RAB15: variants seen among roughly 807,000 people sequenced by gnomAD.
RAB15 encodes the protein ras-related protein Rab-15.
In RAB15, 13 loss-of-function variants were observed where a neutral mutation model predicts 31.8. The ratio of observed to expected loss-of-function variants is 0.41; its 90% CI spans 0.27 to 0.65. The LOEUF (loss-of-function observed/expected upper bound fraction) is 0.65. RAB15 is among the 30% of genes least tolerant of loss of function. The pLI is 0.32. For missense variants in RAB15, 220 were observed against 277.3 expected, an observed-to-expected ratio of 0.79 and a Z score of 1.47; for synonymous variants, 100 against 105.6, an observed-to-expected ratio of 0.95 and a Z score of 0.33.
At position 64,951,758 on chromosome 14, in the gene RAB15, G is replaced by A. The variant is rs956203702; in HGVS notation, c.186-95C>T. 2.7e-5 allele frequency: 29 copies of A among 1,070,172 alleles called. No homozygotes were observed. Among genetic ancestry groups the A allele is most frequent in the Non-Finnish European group, 4.1e-5 (28 of 688,218 alleles). 66.3% of individuals were successfully genotyped at this position (1,070,172 alleles called of 1,614,324 possible). A position where few individuals can be genotyped will look rare whatever the true frequency, so the allele number is the denominator to read the frequency against. ...CTGTCCCCTTGTAGGAAAAACTGGGGAGCTAAAGGGTGAAAAACCAGGGAT... is the reference window on the plus strand; with the variant it reads ...CTGTCCCCTTGTAGGAAAAACTGGGAAGCTAAAGGGTGAAAAACCAGGGAT... On this transcript the variant is annotated intron_variant, in intron 2 of 6. Coordinates refer to ENST00000533601, the MANE Select transcript of RAB15 (RefSeq NM_001308154.2). The surrounding 1 kb of genome is among the most constrained non-coding windows in gnomAD (Gnocchi z 7.2).
intron 1 of RAB15, among the ~76,000 whole-genome samples, chr14:64,969,233 A>G (rs1366556955): frequency 2.0e-5 from 3 of 152,216 alleles, no homozygotes; most frequent in Non-Finnish European, 2.9e-5. Flanking sequence ...AGAGCCTGGC[A>G]TACAGGACAC....
Position 64,948,338 on chromosome 14 carries a change from G to T in RAB15, c.*16C>A. On this transcript the variant is annotated 3_prime_UTR_variant, in exon 7 of 7. Coordinates refer to ENST00000533601, the MANE Select transcript of RAB15 (RefSeq NM_001308154.2). The surrounding 1 kb of genome is among the most constrained non-coding windows in gnomAD (Gnocchi z 7.0). ...TGAGGGAAGAGGGGTGTCGTGTGGG[G>T]TGCCCCACACAGGACTCAGCACCAG... 13 of 1,507,986 alleles carry T rather than the reference G, an allele frequency of 8.6e-6. No individual in the cohort carries two copies. The highest frequency in any genetic ancestry group is 1.3e-5 in the South Asian group (1 of 76,394). The allele number at this position is 1,507,986 out of a possible 1,614,324, so 93.4% of individuals were successfully genotyped here. A position where few individuals can be genotyped will look rare whatever the true frequency, so the allele number is the denominator to read the frequency against.
rs762799909 is a variant in RAB15, at chr14:64,972,031, C to T, written c.46G>A (p.Asp16Asn). The stretch of plus-strand genomic sequence containing the variant: ...AGGCAGGTCTTGCCCACCCCGGAGT[C>T]CCCGATCAGCAGCAGCCGGAACAGC... ...DVLFRLLLIGDSGVGKTCLLC... is the reference protein window; with the variant it reads ...DVLFRLLLIGNSGVGKTCLLC... Residue 16 changes from aspartate to asparagine, a missense_variant, in exon 1 of 7, where the codon GAC (aspartate) becomes AAC (asparagine). Physicochemically the swap from Asp to Asn is conservative, Grantham distance 23. Coordinates refer to ENST00000533601, the MANE Select transcript of RAB15 (RefSeq NM_001308154.2). This position sits in a 1 kb window ranked among gnomAD's most constrained non-coding sequence, Gnocchi z 6.3. The T allele has an allele frequency of 9.9e-6, 16 of 1,610,412 alleles. No individual in the cohort carries two copies. In the Admixed American group the frequency reaches 1.7e-4, roughly 17 times the overall value.
chr14:64,965,178 C>T (rs909234231), intron 1 of RAB15, among the ~76,000 whole-genome samples: 2 of 151,944 alleles, frequency 1.3e-5, no homozygotes, highest in Non-Finnish European at 2.9e-5. Context: ...ATGGGGTCGG[C>T]CAGCCATGGT....
Position 64,950,755 on chromosome 14 carries a change from A to G in RAB15, c.324+319T>C, listed in dbSNP as rs1281496206. On this transcript the variant is annotated intron_variant, in intron 4 of 6. Coordinates refer to ENST00000533601, the MANE Select transcript of RAB15 (RefSeq NM_001308154.2). The surrounding 1 kb of genome is among the most constrained non-coding windows in gnomAD (Gnocchi z 5.6). ...AATGGCTTCCCAAGGCTCCACAGCT[A>G]TTGTGCAGAGCCAGGACTAGATCCC... The G allele has an allele frequency of 1.7e-6, 1 of 602,128 alleles. No individual in the cohort carries two copies. The highest frequency in any genetic ancestry group is 1.9e-5 in the African/African-American group (1 of 53,842). The allele number at this position is 602,128 out of a possible 1,614,324, so 37.3% of individuals were successfully genotyped here.
rs1887355707 is a variant in RAB15, at chr14:64,970,359, C to T, written c.124+1594G>A. ...TCCTGCACCTGCCTCTTCCCCAAGT[C>T]CTCCCGGCAGGCACAAAGCCTTAGT... On this transcript the variant is annotated intron_variant, in intron 1 of 6. Coordinates refer to ENST00000533601, the MANE Select transcript of RAB15 (RefSeq NM_001308154.2). This position sits in a 1 kb window ranked among gnomAD's most constrained non-coding sequence, Gnocchi z 4.1. Among the ~76,000 whole-genome samples the T allele has an allele frequency of 6.6e-6, 1 of 152,246 alleles. No homozygotes were observed. Among genetic ancestry groups the T allele is most frequent in the African/African-American group, 2.4e-5 (1 of 41,460 alleles).
Position 64,971,970 on chromosome 14 carries a change from G to T in RAB15, c.107C>A (p.Ser36Ter), listed in dbSNP as rs1488274678. The change falls in exon 1 of 7, where the codon TCG (serine) becomes TAG (stop). Residue 36 changes from serine (S) to a stop codon, truncating the protein, a stop_gained. Coordinates refer to ENST00000533601, the MANE Select transcript of RAB15 (RefSeq NM_001308154.2). LOFTEE classifies it high-confidence loss of function. This position sits in a 1 kb window ranked among gnomAD's most constrained non-coding sequence, Gnocchi z 4.1. ...CRFTDNEFHSSHISTIGVDFK... is the reference protein window; with the variant it reads ...CRFTDNEFHS The stretch of plus-strand genomic sequence containing the variant: ...CCCCTTACCGATGGTGGAGATGTGC[G>T]AGGAGTGGAACTCGTTGTCGGTGAA... The T allele has an allele frequency of 6.3e-7, 1 of 1,589,386 alleles. No homozygotes were observed. Among genetic ancestry groups the T allele is most frequent in the Non-Finnish European group, 8.6e-7 (1 of 1,168,432 alleles).
chr14:64,957,570 G>A (rs963540414), intron 1 of RAB15, among the ~76,000 whole-genome samples: 1 of 152,090 alleles, frequency 6.6e-6, no homozygotes, highest in Non-Finnish European at 1.5e-5. Context: ...CCACACCCAG[G>A]TGCATAGTGC....
intron 1 of RAB15, among the ~76,000 whole-genome samples, chr14:64,967,547 C>T (rs1887199980): frequency 6.6e-6 from 1 of 151,692 alleles, no homozygotes; most frequent in Non-Finnish European, 1.5e-5. Flanking sequence ...TGTGCCACCA[C>T]CACACTCCAG....
intron 1 of RAB15, among the ~76,000 whole-genome samples, chr14:64,961,294 AAG>A: frequency 6.6e-6 from 1 of 152,258 alleles, no homozygotes; most frequent in Middle Eastern, 3.4e-3. Context: ...GTCACCTCTA[AAG>A]AGGTCACCCT....
rs1886442799 is a variant in RAB15 at position 64,954,655 on chromosome 14, A to T, written c.125-2084T>A. ...CAGAGAGCCTAGTGGAAAGGAAACA[A>T]GGGCTCAGAGAGGTCAATGGCTAGC... is the stretch of plus-strand genomic sequence containing the variant. On this transcript the variant is annotated intron_variant, in intron 1 of 6. Coordinates refer to ENST00000533601, the MANE Select transcript of RAB15 (RefSeq NM_001308154.2). This position sits in a 1 kb window ranked among gnomAD's most constrained non-coding sequence, Gnocchi z 4.3. 2.3e-6 allele frequency: 1 copy of T among 443,148 alleles called. No homozygotes were observed. 27.5% of individuals were successfully genotyped at this position (443,148 alleles called of 1,614,324 possible). A position where few individuals can be genotyped will look rare whatever the true frequency, so the allele number is the denominator to read the frequency against.
chr14:64,958,867 G>A lies in RAB15; in HGVS notation c.125-6296C>T, dbSNP rs1468874239. Reference sequence around the variant, plus strand: ...GCACATTAGATATGCCCATCATGGTGCCTGCCACACCCTGTGTCCCTTTCT... The same window carrying A: ...GCACATTAGATATGCCCATCATGGTACCTGCCACACCCTGTGTCCCTTTCT... On this transcript the variant is annotated intron_variant, in intron 1 of 6. Transcript: ENST00000533601. This position sits in a 1 kb window ranked among gnomAD's most constrained non-coding sequence, Gnocchi z 4.4. Among the ~76,000 whole-genome samples, 2 of 152,180 alleles carry A rather than the reference G, an allele frequency of 1.3e-5. No individual in the cohort carries two copies. Among genetic ancestry groups the A allele is most frequent in the East Asian group, 3.9e-4 (2 of 5,192 alleles).
chr14:64,970,489 A>T lies in RAB15; in HGVS notation c.124+1464T>A, dbSNP rs1042141647. 2.0e-5 allele frequency among the ~76,000 whole-genome samples: 3 copies of T among 152,206 alleles called. No individual in the cohort carries two copies. Among genetic ancestry groups the T allele is most frequent in the African/African-American group, 7.2e-5 (3 of 41,438 alleles). On this transcript the variant is annotated intron_variant, in intron 1 of 6. Coordinates refer to ENST00000533601, the MANE Select transcript of RAB15 (RefSeq NM_001308154.2). The surrounding 1 kb of genome is among the most constrained non-coding windows in gnomAD (Gnocchi z 4.1). ...TGGCCTTACAGCTCCTCTGAGAAAG[A>T]CGGACAAGTTCTGTTCCCTGACCCT...
rs772363420 is a variant in RAB15 at position 64,968,184 on chromosome 14, CAG to C, written c.124+3767_124+3768del. On this transcript the variant is annotated intron_variant, in intron 1 of 6. Coordinates refer to ENST00000533601, the MANE Select transcript of RAB15 (RefSeq NM_001308154.2). This position sits in a 1 kb window ranked among gnomAD's most constrained non-coding sequence, Gnocchi z 4.9. ...ATCAAGGCACTTATAATTTGGGAGA[CAG>C]AGAGAGAAACAGAAGAATCTTCTCA... Among the ~76,000 whole-genome samples, 3 of 152,200 alleles carry C rather than the reference CAG, an allele frequency of 2.0e-5. No homozygotes were observed. The highest frequency in any genetic ancestry group is 4.1e-4 in the South Asian group (2 of 4,830).
chr14:64,965,200 G>A (rs1887066718), intron 1 of RAB15, among the ~76,000 whole-genome samples: 1 of 152,048 alleles, frequency 6.6e-6, no homozygotes, highest in South Asian at 2.1e-4. Flanking sequence ...GCTCACTCCT[G>A]TAATCCCAGC....
At chr14:64,959,848 CAAA>C (rs34981340) in intron 1 of RAB15, among the ~76,000 whole-genome samples, 19 of 42,058 alleles carry the variant, frequency 4.5e-4, no homozygotes, top group African/African-American at 1.2e-3. Flanking sequence ...GACCCTGTCT[CAAA>C]AAAAAAAAAA....
rs1886514927 is a variant in RAB15 at position 64,955,735 on chromosome 14, A to C, written c.125-3164T>G. On this transcript the variant is annotated intron_variant, in intron 1 of 6. Coordinates refer to ENST00000533601, the MANE Select transcript of RAB15 (RefSeq NM_001308154.2). The surrounding 1 kb of genome is among the most constrained non-coding windows in gnomAD (Gnocchi z 4.4). ...TTCTCTCTGCCTTCCCTCAGGGAAG[A>C]GTCCTCTGTCCACATCTGGCCTCTT... 6.6e-6 allele frequency among the ~76,000 whole-genome samples: 1 copy of C among 152,228 alleles called. No individual in the cohort carries two copies. The highest frequency in any genetic ancestry group is 1.5e-5 in the Non-Finnish European group (1 of 68,042).
At position 64,970,320 on chromosome 14, in the gene RAB15, C is replaced by T. The variant is rs561924338; in HGVS notation, c.124+1633G>A. Among the ~76,000 whole-genome samples the T allele has an allele frequency of 6.6e-6, 1 of 152,358 alleles. No homozygotes were observed. The highest frequency in any genetic ancestry group is 2.1e-4 in the South Asian group (1 of 4,830). On this transcript the variant is annotated intron_variant, in intron 1 of 6. Coordinates refer to ENST00000533601, the MANE Select transcript of RAB15 (RefSeq NM_001308154.2). This position sits in a 1 kb window ranked among gnomAD's most constrained non-coding sequence, Gnocchi z 4.1. The stretch of plus-strand genomic sequence containing the variant: ...GGTTCCTCTGCCACTTCCTCCATCA[C>T]GCCCATGCCTTTCTCCTGCACCTGC...
chr14:64,960,074 T>C (rs2139988583), intron 1 of RAB15, among the ~76,000 whole-genome samples: 1 of 152,280 alleles, frequency 6.6e-6, no homozygotes, highest in East Asian at 1.9e-4. Flanking sequence ...GCTGTGACTC[T>C]GTCTGTATGG....
Sources: allele counts gnomAD v4.1 joint callset (sites outside exome capture counted in the v4.1 genomes callset), GRCh38; gene constraint gnomAD v4.1.1; non-coding constraint Gnocchi (gnomAD v3.1); transcripts MANE v1.5; gene names NCBI Gene and HGNC (gene_info 2026-07-23, HGNC 2026-07-21).